Variants in PCDHA9 observed in about 807,000 individuals in gnomAD.
PCDHA9 encodes protocadherin alpha-9.
PCDHA9 carries 62 observed loss-of-function variants against 62.0 expected under a neutral mutation model. That is an observed-to-expected ratio of 1.00 (90% CI 0.81 to 1.23). The LOEUF (loss-of-function observed/expected upper bound fraction) is 1.23, where lower values mean the gene tolerates loss of function less well. PCDHA9 is among the 50% of genes most tolerant of loss of function. PCDHA9 has a pLI of 0.00. For missense variants in PCDHA9, 1,205 were observed against 1,249.8 expected, an observed-to-expected ratio of 0.96 and a Z score of 0.54; for synonymous variants, 557 against 567.6, an observed-to-expected ratio of 0.98 and a Z score of 0.27.
intron 1 of PCDHA9, among the ~76,000 whole-genome samples, chr5:140,922,238 T>C (rs1554200737): frequency 6.6e-6 from 1 of 152,210 alleles, no homozygotes; most frequent in East Asian, 1.9e-4. Context: ...CCATGATGTG[T>C]ATGAAGATAA....
intron 3 of PCDHA9, among the ~76,000 whole-genome samples, chr5:141,002,246 C>T (rs1217451636): frequency 6.6e-6 from 1 of 152,190 alleles, no homozygotes; most frequent in Non-Finnish European, 1.5e-5. Flanking sequence ...CTTTATTAAC[C>T]TCAGCACTGA....
At chr5:140,876,155 T>A in intron 1 of PCDHA9, 1 of 1,613,994 alleles carries the variant, frequency 6.2e-7, no homozygotes, top group Non-Finnish European at 8.5e-7. Context: ...TCTGTCCAGA[T>A]TCAAATAACC....
At chr5:140,873,044 A>G (rs115529200) in intron 1 of PCDHA9, among the ~76,000 whole-genome samples, 15 of 152,172 alleles carry the variant, frequency 9.9e-5, no homozygotes, top group Non-Finnish European at 1.8e-4. Flanking sequence ...GAGTGGTGGT[A>G]TTACAGACTT....
At chr5:140,984,945 C>CA (rs1307962082) in intron 3 of PCDHA9, among the ~76,000 whole-genome samples, 2 of 149,212 alleles carry the variant, frequency 1.3e-5, no homozygotes, top group African/African-American at 4.9e-5. Flanking sequence ...AATGTCTAAT[C>CA]TTTTTTTTTT....
chr5:140,902,756 C>A (rs1434955469), intron 1 of PCDHA9, among the ~76,000 whole-genome samples: 1 of 150,258 alleles, frequency 6.7e-6, no homozygotes, highest in Admixed American at 6.6e-5. Flanking sequence ...TTATATCATT[C>A]TTATGTCTTT....
chr5:141,001,936 C>A (rs1440677153), intron 3 of PCDHA9, among the ~76,000 whole-genome samples: 3 of 151,788 alleles, frequency 2.0e-5, no homozygotes, highest in Non-Finnish European at 2.9e-5. Context: ...GGGTGGTGAG[C>A]GGAAATAAGG....
At chr5:140,996,308 A>G (rs997099218) in intron 3 of PCDHA9, among the ~76,000 whole-genome samples, 4 of 152,240 alleles carry the variant, frequency 2.6e-5, no homozygotes, top group African/African-American at 9.6e-5. Flanking sequence ...GTAACAAAGT[A>G]AGGGGGGAGG....
chr5:140,858,413 A>G lies in PCDHA9; in HGVS notation c.2394+7524A>G, dbSNP rs150984635. 3.9e-4 allele frequency: 609 copies of G among 1,562,348 alleles called. 39 individuals are homozygous for G. The African/African-American group carries it at 7.5e-3, about 19-fold the overall frequency. On this transcript the variant is annotated intron_variant, in intron 1 of 3. Transcript: ENST00000532602. Reference sequence around the variant, plus strand: ...AGATGTGGACGGGGAAGATCAGTCTATTGGAGGGGACCACTCTAGGAAGGT... The same window carrying G: ...AGATGTGGACGGGGAAGATCAGTCTGTTGGAGGGGACCACTCTAGGAAGGT...
chr5:140,973,148 T>G (rs2096574239), intron 1 of PCDHA9, among the ~76,000 whole-genome samples: 1 of 152,210 alleles, frequency 6.6e-6, no homozygotes, highest in Non-Finnish European at 1.5e-5. Context: ...TTCACTTATT[T>G]TAAAGCAATT....
chr5:140,877,546 G>T, intron 1 of PCDHA9: 4 of 1,613,794 alleles, frequency 2.5e-6, no homozygotes, highest in Non-Finnish European at 3.4e-6. Flanking sequence ...TCCCGAAGCG[G>T]CTCTGGTGGA....
At chr5:140,968,757 A>T in intron 1 of PCDHA9, 1 of 1,614,204 alleles carries the variant, frequency 6.2e-7, no homozygotes, top group Non-Finnish European at 8.5e-7. Context: ...GTGGTCCGAG[A>T]TAATGGAGAG....
At chr5:140,858,570 C>A (rs1212586718) in intron 1 of PCDHA9, 2 of 1,363,070 alleles carry the variant, frequency 1.5e-6, no homozygotes, top group Non-Finnish European at 1.0e-6. Flanking sequence ...TCTAGTGATA[C>A]CTTTGTAATA....
Position 140,850,833 on chromosome 5 carries a change from G to A in PCDHA9, c.2338G>A (p.Ala780Thr). 6.3e-7 allele frequency: 1 copy of A among 1,598,078 alleles called. No individual in the cohort carries two copies. Among genetic ancestry groups the A allele is most frequent in the Non-Finnish European group, 8.6e-7 (1 of 1,167,468 alleles). ...MAFSPGLSPC[A>T]GSTERTGEPS... is the part of the protein sequence containing the mutation. The stretch of plus-strand genomic sequence containing the variant: ...CTTCAGCCCGGGCCTTTCTCCTTGT[G>A]CTGGATCTACAGAGCGAACGGGAGA... Residue 780 changes from alanine (A) to threonine (T), a missense_variant, in exon 1 of 4, where the codon GCT becomes ACT. Physicochemically the swap from Ala to Thr is moderately conservative, Grantham distance 58 (BLOSUM62 0). Around this residue, in one of 3 missense-constraint regions of PCDHA9, gnomAD observed 887 missense variants for 809.5 expected, o/e 1.10. Transcript: ENST00000532602.
At chr5:140,883,635 C>G (rs997170789) in intron 1 of PCDHA9, 13 of 1,613,058 alleles carry the variant, frequency 8.1e-6, no homozygotes, top group Non-Finnish European at 1.1e-5. Context: ...CCGGCGTTCG[C>G]GCAGCCCGAG....
intron 1 of PCDHA9, among the ~76,000 whole-genome samples, chr5:140,880,215 G>A (rs944497497): frequency 3.3e-5 from 5 of 152,162 alleles, no homozygotes; most frequent in Non-Finnish European, 5.9e-5. Context: ...TCCACCAGAA[G>A]TAGAACATTT....
chr5:140,928,108 G>A (rs782166106), intron 1 of PCDHA9: 5 of 1,614,072 alleles, frequency 3.1e-6, no homozygotes, highest in Admixed American at 3.3e-5. Context: ...CCTGGACCGG[G>A]AGCAGATCAG....
intron 1 of PCDHA9, among the ~76,000 whole-genome samples, chr5:140,954,779 G>T (rs2095086497): frequency 6.6e-6 from 1 of 152,108 alleles, no homozygotes; most frequent in Non-Finnish European, 1.5e-5. Flanking sequence ...AATTTAATTA[G>T]ATCTCATTTG....
intron 1 of PCDHA9, chr5:140,869,081 T>C: frequency 6.3e-7 from 1 of 1,581,722 alleles, no homozygotes; most frequent in Non-Finnish European, 8.6e-7. Flanking sequence ...AGAAGCTTAT[T>C]TTGGAAGCCA....
intron 1 of PCDHA9, chr5:140,883,883 G>A (rs1554180418): frequency 1.2e-6 from 2 of 1,613,320 alleles, no homozygotes; most frequent in South Asian, 1.1e-5. Flanking sequence ...GAGCGCGCGC[G>A]ACTCTGGCGT....
Sources: gnomAD v4.1 joint callset for allele counts (sites outside exome capture counted in the v4.1 genomes callset) on GRCh38, gnomAD v4.1.1 for gene constraint, gnomAD v4.1.1 regional missense constraint, MANE v1.5 for transcripts, NCBI Gene and HGNC (gene_info 2026-07-23, HGNC 2026-07-21) for gene names.